PTPN13: variants seen among roughly 807,000 people sequenced by gnomAD.
The protein encoded by PTPN13 is tyrosine-protein phosphatase non-receptor type 13.
Under a neutral mutation model 284.0 loss-of-function variants are expected in PTPN13, and 191 were observed. The observed-to-expected ratio is 0.67, with a 90% CI of 0.60 to 0.76. The LOEUF is 0.76. Among genes scored for constraint, PTPN13 ranks in the 30% least tolerant of loss-of-function variants. PTPN13 has a pLI of 0.00. For missense variants in PTPN13, 2,797 were observed against 2,939.9 expected (o/e 0.95, Z 1.12); for synonymous variants, 986 against 1,022.3 (o/e 0.96, Z 0.68).
At position 86,660,405 on chromosome 4, in the gene PTPN13, TA is replaced by T. The variant is rs201454778; in HGVS notation, c.116-11952del. On this transcript the variant is annotated intron_variant, in intron 2 of 47. Transcript: ENST00000411767. ...AAATTGAATTCCTGAGGTTTTTTTT[TA>T]AAAAAAAGACTTTATAGGAAATATA... 3.3e-5 allele frequency among the ~76,000 whole-genome samples: 5 copies of T among 151,564 alleles called. No homozygotes were observed. The South Asian group carries it at 6.2e-4, about 19-fold the overall frequency.
chr4:86,814,170 C>G (rs1745548781), intron 47 of PTPN13, among the ~76,000 whole-genome samples: 1 of 151,628 alleles, frequency 6.6e-6, no homozygotes, highest in Non-Finnish European at 1.5e-5. Context: ...CGACGCCCAG[C>G]TAATTTTTGT....
rs778338888 is a variant in PTPN13, at chr4:86,771,308, C to T, written c.4941C>T (p.Ser1647=). The T allele has an allele frequency of 1.2e-5, 20 of 1,600,988 alleles. No individual in the cohort carries two copies. Among genetic ancestry groups the T allele is most frequent in the Middle Eastern group, 1.6e-4 (1 of 6,068 alleles). The stretch of plus-strand genomic sequence containing the variant: ...GCAAAAAACAGTGCAAGTCCCCATC[C>T]AGAAGAGACAGTTACAGTGACAGCA... ...DKSKKQCKSP[S]RRDSYSDSSG... The change falls in exon 31 of 48, where the codon TCC becomes TCT. Residue 1647 remains serine, a synonymous_variant. Coordinates refer to ENST00000411767, the MANE Select transcript of PTPN13 (RefSeq NM_080683.3).
intron 47 of PTPN13, among the ~76,000 whole-genome samples, chr4:86,811,839 C>G (rs578153339): frequency 1.3e-5 from 2 of 152,328 alleles, no homozygotes; most frequent in East Asian, 3.9e-4. Context: ...CATTTGCCTA[C>G]TTTCCTTTCA....
At chr4:86,659,210 T>G (rs1726193499) in intron 2 of PTPN13, among the ~76,000 whole-genome samples, 1 of 152,156 alleles carries the variant, frequency 6.6e-6, no homozygotes, top group African/African-American at 2.4e-5. Context: ...TTTCTGTATT[T>G]TATTTAATCC....
At chr4:86,784,314 CTGA>C in intron 37 of PTPN13, 148 bp from the exon 38 acceptor site, 1 of 538,834 alleles carries the variant, frequency 1.9e-6, no homozygotes, top group East Asian at 3.2e-5. Flanking sequence ...TTTAATTGCA[CTGA>C]TATTTCCTTT....
Position 86,615,794 on chromosome 4 carries a change from G to T in PTPN13, c.-5-19458G>T, listed in dbSNP as rs931018914. ...CATTCTGTTAGGAATACCATAAAAAGACTACTTCTTCCAGATGGCAAATGT... is the reference window on the plus strand; with the variant it reads ...CATTCTGTTAGGAATACCATAAAAATACTACTTCTTCCAGATGGCAAATGT... On this transcript the variant is annotated intron_variant, in intron 1 of 47. Coordinates refer to ENST00000411767, the MANE Select transcript of PTPN13 (RefSeq NM_080683.3). Among the ~76,000 whole-genome samples, 4 of 152,072 alleles carry T rather than the reference G, an allele frequency of 2.6e-5. No individual in the cohort carries two copies. In the East Asian group the frequency reaches 7.7e-4, roughly 29 times the overall value.
At chr4:86,779,580 C>T (rs909776984) in intron 35 of PTPN13, among the ~76,000 whole-genome samples, 6 of 152,106 alleles carry the variant, frequency 3.9e-5, no homozygotes, top group Admixed American at 2.6e-4. Context: ...GTTACCACAT[C>T]CTTCATGGTT....
chr4:86,602,904 G>A (rs946731786), intron 1 of PTPN13, among the ~76,000 whole-genome samples: 4 of 151,974 alleles, frequency 2.6e-5, no homozygotes, highest in Non-Finnish European at 4.4e-5. Flanking sequence ...TCCTTATGTT[G>A]CGCAGGCTGG....
At chr4:86,672,191 G>A (rs1727785359) in intron 2 of PTPN13, among the ~76,000 whole-genome samples, 174 bp from the exon 3 acceptor site, 1 of 152,152 alleles carries the variant, frequency 6.6e-6, no homozygotes. Context: ...TGTTGTATTT[G>A]TATGAAACCC....
At chr4:86,677,136 G>A (rs140274845) in intron 3 of PTPN13, among the ~76,000 whole-genome samples, 7,564 of 151,528 alleles carry the variant, frequency 0.05, 258 homozygotes, top group African/African-American at 0.073. Context: ...GCATGGTGGC[G>A]GGCACCAGTA....
chr4:86,628,971 A>G (rs1370463384), intron 1 of PTPN13, among the ~76,000 whole-genome samples: 4 of 151,816 alleles, frequency 2.6e-5, no homozygotes, highest in Non-Finnish European at 5.9e-5. Flanking sequence ...ATACGTGTGC[A>G]TGTGTCTTTA....
intron 17 of PTPN13, among the ~76,000 whole-genome samples, chr4:86,747,492 A>G (rs867858758): frequency 6.8e-4 from 104 of 152,298 alleles, no homozygotes; most frequent in African/African-American, 2.2e-3. Flanking sequence ...TAGTACTACT[A>G]CTATACTATA....
chr4:86,794,373 A>T (rs1266314063), intron 40 of PTPN13, among the ~76,000 whole-genome samples: 1 of 152,298 alleles, frequency 6.6e-6, no homozygotes, highest in East Asian at 1.9e-4. Flanking sequence ...CAGAACTACA[A>T]ACCACTGCTC....
chr4:86,627,778 A>G (rs1319396348), intron 1 of PTPN13, among the ~76,000 whole-genome samples: 1 of 152,038 alleles, frequency 6.6e-6, no homozygotes, highest in African/African-American at 2.4e-5. Context: ...ATTAGTTTGT[A>G]TTTTCTATAA....
At position 86,809,992 on chromosome 4, in the gene PTPN13, C is replaced by T. The variant is rs376442815; in HGVS notation, c.7299+8C>T. The T allele has an allele frequency of 2.5e-5, 40 of 1,609,026 alleles. No homozygotes were observed. The highest frequency in any genetic ancestry group is 3.0e-5 in the Non-Finnish European group (35 of 1,176,134). On this transcript the variant is annotated splice_region_variant and intron_variant, in intron 46 of 47. Transcript: ENST00000411767. ...ATCAGTCAGGATCTTGATGTGAGTA[C>T]AAGATATTGGCTGAGTAAGCATTTG...
chr4:86,784,792 T>G (rs1475867869), intron 38 of PTPN13, among the ~76,000 whole-genome samples: 1 of 152,126 alleles, frequency 6.6e-6, no homozygotes, highest in Non-Finnish European at 1.5e-5. Context: ...TTACAGTGTT[T>G]CTTGTATTTT....
intron 1 of PTPN13, among the ~76,000 whole-genome samples, chr4:86,604,713 T>G (rs562738006): frequency 2.0e-5 from 3 of 152,034 alleles, no homozygotes; most frequent in Non-Finnish European, 4.4e-5. Flanking sequence ...TAGAAATGTT[T>G]TATAAATACA....
At chr4:86,605,746 A>G (rs1728289120) in intron 1 of PTPN13, among the ~76,000 whole-genome samples, 1 of 151,910 alleles carries the variant, frequency 6.6e-6, no homozygotes. Context: ...TAGATAATTT[A>G]CACTTAGTGA....
At chr4:86,642,548 G>A (rs1723931877) in intron 2 of PTPN13, among the ~76,000 whole-genome samples, 1 of 144,576 alleles carries the variant, frequency 6.9e-6, no homozygotes, top group Admixed American at 7.2e-5. Context: ...CACCTCCCGG[G>A]CTCAAGCGAT....
Sources: gnomAD v4.1 joint callset for allele counts (sites outside exome capture counted in the v4.1 genomes callset) on GRCh38, gnomAD v4.1.1 for gene constraint, MANE v1.5 for transcripts, NCBI Gene and HGNC (gene_info 2026-07-23, HGNC 2026-07-21) for gene names.